The following TYW1 variants were observed in gnomAD, a reference collection of about 807,000 sequenced individuals.
TYW1 encodes the protein S-adenosyl-L-methionine-dependent tRNA 4-demethylwyosine synthase TYW1.
In TYW1, 46 loss-of-function variants were observed where a neutral mutation model predicts 96.2. That is an observed-to-expected ratio of 0.48 (90% CI 0.38 to 0.61). The LOEUF is 0.61. Ranked by LOEUF, TYW1 falls within the 20% of genes least tolerant of loss-of-function variation. The pLI is 0.00. For synonymous variants in TYW1, 274 were observed against 323.0 expected, an observed-to-expected ratio of 0.85 and a Z score of 1.63; for missense variants, 684 against 909.6, an observed-to-expected ratio of 0.75 and a Z score of 3.19.
At chr7:67,089,333 C>T (rs1386479969) in intron 11 of TYW1, 13 of 1,281,572 alleles carry the variant, frequency 1.0e-5, no homozygotes, top group Non-Finnish European at 1.1e-5. Flanking sequence ...GGGCCCTTCT[C>T]GAGGTGGCGG....
At position 67,017,976 on chromosome 7, in the gene TYW1, T is replaced by G; in HGVS notation, c.694T>G (p.Trp232Gly). ...HGSIEADFRA[W>G]KTKFISQLQA... ...CAGCATTGAGGCCGACTTCAGAGCA[T>G]GGAAGACCAAGTTCATCTCCCAGCT... The change falls in exon 6 of 16, where the codon TGG becomes GGG. Residue 232 changes from tryptophan (W) to glycine (G), a missense_variant. Coordinates refer to ENST00000359626, the MANE Select transcript of TYW1 (RefSeq NM_018264.4). 6.2e-7 allele frequency: 1 copy of G among 1,614,074 alleles called. No individual in the cohort carries two copies. The highest frequency in any genetic ancestry group is 8.5e-7 in the Non-Finnish European group (1 of 1,180,016).
At chr7:67,020,226 A>C (rs1165692334) in intron 6 of TYW1, among the ~76,000 whole-genome samples, 1 of 152,244 alleles carries the variant, frequency 6.6e-6, no homozygotes, top group Non-Finnish European at 1.5e-5. Context: ...CAAAAACAAA[A>C]ATTAAAAGTA....
chr7:67,237,003 A>C (rs1461016803), intron 15 of TYW1, among the ~76,000 whole-genome samples: 1 of 152,110 alleles, frequency 6.6e-6, no homozygotes, highest in East Asian at 1.9e-4. Flanking sequence ...CTCCTGCCTC[A>C]GCCTCCCGAG....
At chr7:67,195,525 G>A (rs1800365974) in intron 15 of TYW1, among the ~76,000 whole-genome samples, 188 bp downstream of exon 15, 1 of 152,094 alleles carries the variant, frequency 6.6e-6, no homozygotes, top group African/African-American at 2.4e-5. Context: ...ATGTGAAATT[G>A]CTTCTTGTTT....
rs35536069 is a variant in TYW1 at position 67,138,000 on chromosome 7, G to A, written c.1698+20382G>A. On this transcript the variant is annotated intron_variant, in intron 13 of 15. Transcript: ENST00000359626. ...CTAAGAAACCTGGGAGGTTGCTACC[G>A]ATCTGGACTAGGCCTTGTGCTCTTG... 9.2e-5 allele frequency among the ~76,000 whole-genome samples: 14 copies of A among 152,270 alleles called. No homozygotes were observed. The South Asian group carries it at 1.7e-3, about 18-fold the overall frequency.
rs373986490 is a variant in TYW1 at position 67,118,561 on chromosome 7, C to T, written c.1698+943C>T. ...TGGTTGAATGTGTGGAAATGGAGCC[C>T]ACAGATATGGAGGACCGACTACACG... On this transcript the variant is annotated intron_variant, in intron 13 of 15. Transcript: ENST00000359626. Among the ~76,000 whole-genome samples, 33 of 151,492 alleles carry T rather than the reference C, an allele frequency of 2.2e-4. No homozygotes were observed. In the East Asian group the frequency reaches 6.0e-3, roughly 28 times the overall value.
chr7:67,012,531 C>T (rs2129240511), intron 4 of TYW1, among the ~76,000 whole-genome samples: 1 of 152,212 alleles, frequency 6.6e-6, no homozygotes, highest in South Asian at 2.1e-4. Flanking sequence ...AAATTATTAG[C>T]AAACTTTGAT....
Position 67,092,166 on chromosome 7 carries a change from A to G in TYW1, c.1385-6375A>G, listed in dbSNP as rs148911101. Among the ~76,000 whole-genome samples, 101 of 152,214 alleles carry G rather than the reference A, an allele frequency of 6.6e-4. 1 individual carries two copies. The highest frequency in any genetic ancestry group is 2.3e-3 in the African/African-American group (97 of 41,526). On this transcript the variant is annotated intron_variant, in intron 11 of 15. Coordinates refer to ENST00000359626, the MANE Select transcript of TYW1 (RefSeq NM_018264.4). ...ACCCTCTCACTTTCTCATACCCTAC[A>G]TCCAATCCATTTGAAAATCCCTCTT... is the stretch of plus-strand genomic sequence containing the variant.
At chr7:66,999,126 C>T (rs374649232) in intron 3 of TYW1, among the ~76,000 whole-genome samples, 172 bp downstream of exon 3, 13 of 152,184 alleles carry the variant, frequency 8.5e-5, no homozygotes, top group East Asian at 5.8e-4. Flanking sequence ...CATTCTGTGA[C>T]GGTAGGCAGG....
chr7:67,185,777 A>G (rs1799998535), intron 14 of TYW1, among the ~76,000 whole-genome samples: 1 of 152,236 alleles, frequency 6.6e-6, no homozygotes, highest in South Asian at 2.1e-4. Context: ...TTTTTTAGGC[A>G]ACTAATTGTC....
chr7:67,189,671 G>A (rs1203564592), intron 14 of TYW1, among the ~76,000 whole-genome samples: 1 of 152,042 alleles, frequency 6.6e-6, no homozygotes, highest in Non-Finnish European at 1.5e-5. Context: ...TAATAAGTTT[G>A]TTTTGAGAAT....
At chr7:67,019,266 T>TAA (rs1794145483) in intron 6 of TYW1, among the ~76,000 whole-genome samples, 1 of 152,250 alleles carries the variant, frequency 6.6e-6, no homozygotes, top group Non-Finnish European at 1.5e-5. Flanking sequence ...GACTGTTTCA[T>TAA]ACTCATTTCC....
intron 9 of TYW1, among the ~76,000 whole-genome samples, chr7:67,058,631 G>A (rs1795603720): frequency 6.6e-6 from 1 of 151,880 alleles, no homozygotes; most frequent in Non-Finnish European, 1.5e-5. Context: ...ACCATGCCTG[G>A]CAAAAGTTTT....
At chr7:67,004,206 A>G (rs1258718205) in intron 3 of TYW1, among the ~76,000 whole-genome samples, 1 of 152,204 alleles carries the variant, frequency 6.6e-6, no homozygotes, top group East Asian at 1.9e-4. Context: ...TAGGACAGTC[A>G]TCTCACCATT....
At chr7:67,178,300 C>T (rs1006772497) in intron 13 of TYW1, among the ~76,000 whole-genome samples, 1 of 152,186 alleles carries the variant, frequency 6.6e-6, no homozygotes, top group Non-Finnish European at 1.5e-5. Flanking sequence ...TACAATGTGG[C>T]CATAAAGATG....
chr7:67,028,991 G>T (rs1403622213), intron 7 of TYW1, among the ~76,000 whole-genome samples: 3 of 151,634 alleles, frequency 2.0e-5, no homozygotes, highest in South Asian at 2.1e-4. Context: ...TTATTTGGAC[G>T]CTGATATGGA....
At chr7:67,103,918 A>G (rs1233553933) in intron 12 of TYW1, among the ~76,000 whole-genome samples, 4 of 152,236 alleles carry the variant, frequency 2.6e-5, no homozygotes, top group African/African-American at 7.2e-5. Context: ...TTGACAGTCA[A>G]TAGGTTTATT....
chr7:67,094,749 T>C (rs1273762993), intron 11 of TYW1, among the ~76,000 whole-genome samples: 1 of 151,770 alleles, frequency 6.6e-6, no homozygotes, highest in Non-Finnish European at 1.5e-5. Context: ...GACTGTATGT[T>C]CTAAGAAGAA....
chr7:67,042,094 A>G (rs1795046836), intron 7 of TYW1, among the ~76,000 whole-genome samples: 1 of 147,460 alleles, frequency 6.8e-6, no homozygotes, highest in Admixed American at 6.8e-5. Flanking sequence ...TATAACAATT[A>G]TATAATTAGA....
Sources: gnomAD v4.1 joint callset for allele counts (sites outside exome capture counted in the v4.1 genomes callset) on GRCh38, gnomAD v4.1.1 for gene constraint, MANE v1.5 for transcripts, NCBI Gene and HGNC (gene_info 2026-07-23, HGNC 2026-07-21) for gene names.